L3MBTL4: variants seen among roughly 807,000 people sequenced by gnomAD.
L3MBTL4 encodes the protein lethal(3)malignant brain tumor-like protein 4.
Under a neutral mutation model 84.5 loss-of-function variants are expected in L3MBTL4, and 70 were observed. The ratio of observed to expected loss-of-function variants is 0.83; its 90% CI spans 0.68 to 1.01. L3MBTL4 has a LOEUF of 1.01. Ranked by LOEUF, L3MBTL4 falls within the 50% of genes least tolerant of loss-of-function variation. L3MBTL4 has a pLI of 0.00. For missense variants in L3MBTL4, 715 were observed against 754.8 expected, an observed-to-expected ratio of 0.95 and a Z score of 0.62; for synonymous variants, 274 against 259.8, an observed-to-expected ratio of 1.05 and a Z score of -0.52.
At chr18:6,116,853 C>T (rs1309228657) in intron 14 of L3MBTL4, among the ~76,000 whole-genome samples, 1 of 152,224 alleles carries the variant, frequency 6.6e-6, no homozygotes, top group African/African-American at 2.4e-5. Context: ...TCCAGCCTTA[C>T]AAAAGCCCCA....
chr18:5,958,071 A>AAGG (rs2095239440), intron 18 of L3MBTL4, among the ~76,000 whole-genome samples: 1 of 35,880 alleles, frequency 2.8e-5, no homozygotes, highest in Non-Finnish European at 4.1e-5. Context: ...GGAGAAGAAG[A>AAGG]AGAAGAAGAA....
At chr18:6,071,745 G>A (rs55973725) in intron 16 of L3MBTL4, among the ~76,000 whole-genome samples, 1,802 of 58,106 alleles carry the variant, frequency 0.031, 19 homozygotes, top group Admixed American at 0.07. Context: ...AAGAAGGAAG[G>A]AAAGAAAGAA....
chr18:6,335,225 G>C (rs1191181031), intron 1 of L3MBTL4, among the ~76,000 whole-genome samples: 1 of 152,064 alleles, frequency 6.6e-6, no homozygotes, highest in Non-Finnish European at 1.5e-5. Flanking sequence ...TGAGTAGTTG[G>C]GATTACAGGC....
chr18:5,958,961 CTG>C (rs1424318392), intron 18 of L3MBTL4, among the ~76,000 whole-genome samples: 1 of 152,190 alleles, frequency 6.6e-6, no homozygotes, highest in African/African-American at 2.4e-5. Flanking sequence ...GCAGAGTAGA[CTG>C]TATGTGTGAA....
rs557363270 is a variant in L3MBTL4, at chr18:6,109,059, G to A, written c.1200-15531C>T. 2.0e-5 allele frequency among the ~76,000 whole-genome samples: 3 copies of A among 152,288 alleles called. No individual in the cohort carries two copies. The South Asian group carries it at 6.2e-4, about 32-fold the overall frequency. On this transcript the variant is annotated intron_variant, in intron 14 of 18. Transcript: ENST00000317931. ...GACTTTCAAGGGACTATGAGTCTAT[G>A]CAGATGTGTACTTTTAGAGGGAGTT...
Position 5,997,845 on chromosome 18 carries a change from G to A in L3MBTL4, c.1445-28283C>T, listed in dbSNP as rs142381696. ...ATATTTTGAGTTCACAAGTATAATG[G>A]TGGATGTTTGTGGGTTATATGTAAG... On this transcript the variant is annotated intron_variant, in intron 16 of 18. Transcript: ENST00000317931. 3.0e-3 allele frequency among the ~76,000 whole-genome samples: 461 copies of A among 152,090 alleles called. 3 individuals carry two copies. The highest frequency in any genetic ancestry group is 0.01 in the African/African-American group (432 of 41,462).
chr18:6,162,538 T>C (rs1449964040), intron 13 of L3MBTL4, among the ~76,000 whole-genome samples: 3 of 152,244 alleles, frequency 2.0e-5, no homozygotes, highest in African/African-American at 4.8e-5. Context: ...TATTTTGATC[T>C]GATTTTAAAA....
chr18:6,241,492 T>C (rs893201111), intron 7 of L3MBTL4, 43 bp from the exon 8 acceptor site: 7 of 1,044,202 alleles, frequency 6.7e-6, no homozygotes, highest in Admixed American at 4.1e-5. Context: ...AAAGATGTAA[T>C]CACATGCATA....
At chr18:6,101,324 A>C (rs1465580643) in intron 14 of L3MBTL4, among the ~76,000 whole-genome samples, 1 of 152,072 alleles carries the variant, frequency 6.6e-6, no homozygotes, top group Non-Finnish European at 1.5e-5. Context: ...TCCACCTTTC[A>C]AAGTCTTCCT....
At chr18:6,375,087 A>C (rs2054312198) in intron 1 of L3MBTL4, among the ~76,000 whole-genome samples, 1 of 152,130 alleles carries the variant, frequency 6.6e-6, no homozygotes, top group African/African-American at 2.4e-5. Flanking sequence ...CTGCAGAATT[A>C]ATTCAGACGT....
chr18:6,010,727 T>C (rs886266653), intron 16 of L3MBTL4, among the ~76,000 whole-genome samples: 2 of 152,214 alleles, frequency 1.3e-5, no homozygotes, highest in African/African-American at 2.4e-5. Flanking sequence ...AATTTATTTA[T>C]TTATTTTTTT....
At chr18:6,268,658 C>T (rs1420249690) in intron 4 of L3MBTL4, among the ~76,000 whole-genome samples, 3 of 152,076 alleles carry the variant, frequency 2.0e-5, no homozygotes, top group Admixed American at 6.5e-5. Context: ...CTTCATAAAC[C>T]CTAAATTCCA....
chr18:6,135,015 C>T (rs148715071), intron 14 of L3MBTL4, among the ~76,000 whole-genome samples: 2,106 of 152,300 alleles, frequency 0.014, 52 homozygotes, highest in African/African-American at 0.048. Flanking sequence ...CAGGCATTTC[C>T]ATACATCTTC....
intron 12 of L3MBTL4, among the ~76,000 whole-genome samples, chr18:6,194,326 G>A (rs1047695843): frequency 3.3e-5 from 5 of 152,168 alleles, no homozygotes; most frequent in Non-Finnish European, 5.9e-5. Context: ...CGTGGCGATG[G>A]TCACGGCAGC....
chr18:6,315,869 T>C (rs553481451), intron 1 of L3MBTL4, among the ~76,000 whole-genome samples: 2 of 152,326 alleles, frequency 1.3e-5, no homozygotes, highest in South Asian at 4.1e-4. Context: ...TTATTACCTA[T>C]TTTGGAATCT....
At chr18:6,151,129 T>C (rs569720468) in intron 13 of L3MBTL4, among the ~76,000 whole-genome samples, 1 of 152,266 alleles carries the variant, frequency 6.6e-6, no homozygotes, top group African/African-American at 2.4e-5. Flanking sequence ...AGCTTCCAGA[T>C]CCCACAAAAT....
At chr18:6,151,856 C>T (rs1351533178) in intron 13 of L3MBTL4, among the ~76,000 whole-genome samples, 1 of 152,200 alleles carries the variant, frequency 6.6e-6, no homozygotes, top group Non-Finnish European at 1.5e-5. Context: ...TTTGTAACTG[C>T]AAGTTTGTAC....
chr18:6,371,533 C>T (rs1222137274), intron 1 of L3MBTL4, among the ~76,000 whole-genome samples: 1 of 152,172 alleles, frequency 6.6e-6, no homozygotes, highest in Non-Finnish European at 1.5e-5. Flanking sequence ...AAAGCCAACT[C>T]TGCCTGGCAA....
At chr18:6,060,647 G>T (rs565828693) in intron 16 of L3MBTL4, among the ~76,000 whole-genome samples, 8 of 152,024 alleles carry the variant, frequency 5.3e-5, no homozygotes, top group East Asian at 1.9e-4. Context: ...ATTTCTATGG[G>T]TTCTGACAAA....
Sources: allele counts gnomAD v4.1 joint callset (sites outside exome capture counted in the v4.1 genomes callset), GRCh38; gene constraint gnomAD v4.1.1; transcripts MANE v1.5; gene names NCBI Gene and HGNC (gene_info 2026-07-23, HGNC 2026-07-21).